The following NRXN1 variants were observed in gnomAD, a reference collection of about 807,000 sequenced individuals.
The protein encoded by NRXN1 is neurexin 1, also known as neurexin-1.
In NRXN1, 39 loss-of-function variants were observed where a neutral mutation model predicts 150.9. That is an observed-to-expected ratio of 0.26 (90% CI 0.20 to 0.34). The LOEUF (loss-of-function observed/expected upper bound fraction) is 0.34. Among genes scored for constraint, NRXN1 ranks in the 10% least tolerant of loss-of-function variants. The pLI is 1.00. For synonymous variants in NRXN1, 924 were observed against 757.0 expected (o/e 1.22, Z -3.62); for missense variants, 1,815 against 1,949.9 (o/e 0.93, Z 1.30).
intron 5 of NRXN1, among the ~76,000 whole-genome samples, chr2:50,871,694 C>A (rs947762390): frequency 6.6e-6 from 1 of 151,440 alleles, no homozygotes; most frequent in African/African-American, 2.4e-5. Context: ...CAAAACATGC[C>A]GAGGGGTCAC....
chr2:49,995,018 C>T (rs1001165028), intron 21 of NRXN1, among the ~76,000 whole-genome samples: 1 of 152,146 alleles, frequency 6.6e-6, no homozygotes, highest in African/African-American at 2.4e-5. Flanking sequence ...TGAAACACTC[C>T]TTGATAACAA....
chr2:50,079,644 G>T (rs1697641610), intron 19 of NRXN1, among the ~76,000 whole-genome samples: 1 of 151,934 alleles, frequency 6.6e-6, no homozygotes, highest in Non-Finnish European at 1.5e-5. Context: ...TAATTTTGAT[G>T]CTAGACATTT....
intron 12 of NRXN1, 76 bp from the exon 13 acceptor site, chr2:50,506,693 A>C: frequency 6.7e-7 from 1 of 1,486,268 alleles, no homozygotes; most frequent in Non-Finnish European, 9.3e-7. Flanking sequence ...GAGTGAGAGA[A>C]AGAGACAAGG....
intron 21 of NRXN1, among the ~76,000 whole-genome samples, chr2:49,996,287 G>A (rs1682986552): frequency 1.3e-5 from 2 of 152,160 alleles, no homozygotes; most frequent in South Asian, 2.1e-4. Flanking sequence ...CTCAGGACAT[G>A]TAGAGAAGGT....
At chr2:51,022,618 A>G (rs1380255827) in intron 2 of NRXN1, among the ~76,000 whole-genome samples, 2 of 152,134 alleles carry the variant, frequency 1.3e-5, no homozygotes, top group African/African-American at 2.4e-5. Context: ...TCTGTGACTC[A>G]GAGCCTTCTC....
intron 17 of NRXN1, among the ~76,000 whole-genome samples, chr2:50,333,176 T>C (rs1575119810): frequency 6.6e-6 from 1 of 152,186 alleles, no homozygotes; most frequent in African/African-American, 2.4e-5. Context: ...ACAAATAGCC[T>C]GTGCTCCCCT....
intron 18 of NRXN1, among the ~76,000 whole-genome samples, chr2:50,133,346 C>T (rs1256227477): frequency 1.4e-5 from 2 of 143,186 alleles, no homozygotes; most frequent in Non-Finnish European, 3.1e-5. Flanking sequence ...AATCTGGTTT[C>T]AGAGGAGGTC....
intron 17 of NRXN1, among the ~76,000 whole-genome samples, chr2:50,254,312 T>TTA (rs1553848711): frequency 1.3e-5 from 2 of 151,356 alleles, no homozygotes; most frequent in African/African-American, 2.4e-5. Flanking sequence ...TCTTTTTTTT[T>TTA]ATTAGTCTAG....
intron 2 of NRXN1, among the ~76,000 whole-genome samples, chr2:50,972,034 A>T (rs922003087): frequency 6.6e-5 from 10 of 152,124 alleles, no homozygotes; most frequent in African/African-American, 2.2e-4. Flanking sequence ...TGGAGACTCA[A>T]AATATCATTA....
At chr2:50,554,344 G>A (rs1221277023) in intron 8 of NRXN1, 1 of 152,106 alleles carries the variant, frequency 6.6e-6, no homozygotes, top group African/African-American at 2.4e-5. Context: ...AGAGATGGCT[G>A]ATGAGTTTCC....
chr2:50,033,724 C>T (rs4971639), intron 21 of NRXN1, among the ~76,000 whole-genome samples: 108,080 of 151,478 alleles, frequency 0.71, 38,699 homozygotes, highest in Middle Eastern at 0.76. Flanking sequence ...TTGCAAACTA[C>T]GCAGCTGACA....
intron 2 of NRXN1, among the ~76,000 whole-genome samples, chr2:50,955,348 G>A (rs1469170846): frequency 6.6e-6 from 1 of 152,194 alleles, no homozygotes; most frequent in Admixed American, 6.5e-5. Context: ...GGAGTTCAAA[G>A]AGTAATTACA....
intron 17 of NRXN1, among the ~76,000 whole-genome samples, chr2:50,281,139 C>T (rs926577952): frequency 1.9e-5 from 2 of 105,944 alleles, no homozygotes; most frequent in African/African-American, 3.6e-5. Flanking sequence ...CCCGTCTCTA[C>T]TAAAAATACA....
intron 18 of NRXN1, among the ~76,000 whole-genome samples, chr2:50,110,286 C>G (rs373389088): frequency 6.6e-6 from 1 of 151,766 alleles, no homozygotes; most frequent in Non-Finnish European, 1.5e-5. Flanking sequence ...GTCAGGAAAT[C>G]GAGACCATCC....
At chr2:50,809,356 G>A (rs138548233) in intron 5 of NRXN1, among the ~76,000 whole-genome samples, 49 of 152,140 alleles carry the variant, frequency 3.2e-4, no homozygotes, top group Admixed American at 1.4e-3. Context: ...AAATCCTCTC[G>A]CTAAGGAATT....
At chr2:50,782,611 T>C (rs575584508) in intron 5 of NRXN1, among the ~76,000 whole-genome samples, 11 of 152,274 alleles carry the variant, frequency 7.2e-5, no homozygotes, top group Admixed American at 1.3e-4. Context: ...AAGAAAAAAG[T>C]TGTATAACAT....
chr2:50,798,365 G>A (rs762683112), intron 5 of NRXN1, among the ~76,000 whole-genome samples: 16 of 152,116 alleles, frequency 1.1e-4, no homozygotes, highest in Non-Finnish European at 1.6e-4. Flanking sequence ...TTTTAAGTCT[G>A]CTTTTTCAAG....
chr2:50,905,360 A>G (rs1167292187), intron 5 of NRXN1, among the ~76,000 whole-genome samples: 2 of 152,118 alleles, frequency 1.3e-5, no homozygotes, highest in Non-Finnish European at 2.9e-5. Context: ...GAACCTGGTA[A>G]GACACATAAA....
At chr2:50,307,098 C>T (rs1183137176) in intron 17 of NRXN1, among the ~76,000 whole-genome samples, 2 of 152,056 alleles carry the variant, frequency 1.3e-5, no homozygotes, top group African/African-American at 4.8e-5. Context: ...AATTCTCCTG[C>T]CTCAGCCTCC....
Sources: gnomAD v4.1 joint callset for allele counts (sites outside exome capture counted in the v4.1 genomes callset) on GRCh38, gnomAD v4.1.1 for gene constraint, MANE v1.5 for transcripts, NCBI Gene and HGNC (gene_info 2026-07-23, HGNC 2026-07-21) for gene names.